Variants in EDIL3 observed in about 807,000 individuals in gnomAD.
EDIL3 encodes the protein EGF-like repeat and discoidin I-like domain-containing protein 3.
EDIL3 carries 37 observed loss-of-function variants against 67.4 expected under a neutral mutation model. That is an observed-to-expected ratio of 0.55 (90% CI 0.42 to 0.72). The LOEUF (loss-of-function observed/expected upper bound fraction) is 0.72, where lower values mean the gene tolerates loss of function less well. Among genes scored for constraint, EDIL3 ranks in the 30% least tolerant of loss-of-function variants. The pLI is 0.00. For missense variants in EDIL3, 527 were observed against 586.3 expected, an observed-to-expected ratio of 0.90 and a Z score of 1.04; for synonymous variants, 195 against 196.3, an observed-to-expected ratio of 0.99 and a Z score of 0.05.
intron 1 of EDIL3, among the ~76,000 whole-genome samples, chr5:84,377,358 G>A (rs911886105): frequency 6.7e-6 from 1 of 150,356 alleles, no homozygotes; most frequent in Non-Finnish European, 1.5e-5. Flanking sequence ...ACAGACCTAA[G>A]GCTCAGGCCT....
intron 1 of EDIL3, among the ~76,000 whole-genome samples, chr5:84,312,351 C>A (rs868152631): frequency 7.0e-6 from 1 of 142,624 alleles, no homozygotes; most frequent in Non-Finnish European, 1.5e-5. Context: ...CCCCACCTCC[C>A]TCCCGGACGG....
chr5:83,998,820 G>A (rs992090791), intron 9 of EDIL3, among the ~76,000 whole-genome samples: 7 of 152,136 alleles, frequency 4.6e-5, no homozygotes, highest in African/African-American at 1.2e-4. Context: ...ACAGGCCTTC[G>A]GCAAGACCTG....
chr5:84,091,619 T>C lies in EDIL3; in HGVS notation c.651+15030A>G, dbSNP rs371015160. Among the ~76,000 whole-genome samples the C allele has an allele frequency of 3.9e-4, 60 of 152,322 alleles. No individual in the cohort carries two copies. In the South Asian group the frequency reaches 0.011, roughly 28 times the overall value. On this transcript the variant is annotated intron_variant, in intron 6 of 10. Coordinates refer to ENST00000296591, the MANE Select transcript of EDIL3 (RefSeq NM_005711.5). Reference sequence around the variant, plus strand: ...TGGGGCAGAACAAATTTGCACAGTGTCTGCTGTGGACATAAGGGATTTCTT... The same window carrying C: ...TGGGGCAGAACAAATTTGCACAGTGCCTGCTGTGGACATAAGGGATTTCTT...
At chr5:84,329,991 A>G (rs1746838334) in intron 1 of EDIL3, among the ~76,000 whole-genome samples, 3 of 152,254 alleles carry the variant, frequency 2.0e-5, no homozygotes, top group East Asian at 1.9e-4. Context: ...AATTACCATC[A>G]CATTGATTTC....
chr5:84,255,062 A>G (rs1454970319), intron 1 of EDIL3, among the ~76,000 whole-genome samples: 2 of 152,182 alleles, frequency 1.3e-5, no homozygotes, highest in African/African-American at 4.8e-5. Context: ...TTAAAGCATC[A>G]GTTGGCTCTT....
chr5:84,035,028 A>G (rs922029229), intron 9 of EDIL3, among the ~76,000 whole-genome samples: 1 of 152,142 alleles, frequency 6.6e-6, no homozygotes, highest in Non-Finnish European at 1.5e-5. Context: ...CTGTAAGACC[A>G]TACTGATGTT....
intron 9 of EDIL3, among the ~76,000 whole-genome samples, chr5:83,980,239 GT>G (rs202105530): frequency 5.5e-5 from 8 of 146,774 alleles, no homozygotes; most frequent in Admixed American, 2.1e-4. Flanking sequence ...TGAGGTGTGT[GT>G]TTTTTTTTTG....
intron 6 of EDIL3, among the ~76,000 whole-genome samples, chr5:84,102,729 C>T (rs1278236688): frequency 6.6e-6 from 1 of 151,806 alleles, no homozygotes; most frequent in South Asian, 2.1e-4. Flanking sequence ...TCAGAGATAA[C>T]ACAAACAAAT....
At chr5:84,095,530 T>TG (rs1747246374) in intron 6 of EDIL3, among the ~76,000 whole-genome samples, 1 of 152,092 alleles carries the variant, frequency 6.6e-6, no homozygotes, top group African/African-American at 2.4e-5. Flanking sequence ...TTAAAGTGAG[T>TG]GGCAGCATTT....
chr5:84,215,919 TG>T (rs1242832683), intron 3 of EDIL3, among the ~76,000 whole-genome samples: 1 of 152,206 alleles, frequency 6.6e-6, no homozygotes, highest in African/African-American at 2.4e-5. Context: ...TAGGGCCAGA[TG>T]AGAGGTACTA....
chr5:83,965,164 T>C (rs1406906478), intron 9 of EDIL3, among the ~76,000 whole-genome samples: 1 of 152,116 alleles, frequency 6.6e-6, no homozygotes. Flanking sequence ...ATTGATCATT[T>C]ATATTTTCTC....
At chr5:84,037,997 T>TG (rs1467859182) in intron 9 of EDIL3, among the ~76,000 whole-genome samples, 76 of 93,508 alleles carry the variant, frequency 8.1e-4, no homozygotes, top group African/African-American at 2.8e-3. Flanking sequence ...TGTTTTTTTT[T>TG]TTTTTTTTTT....
intron 3 of EDIL3, among the ~76,000 whole-genome samples, chr5:84,209,270 A>T (rs1377790050): frequency 6.6e-6 from 1 of 152,042 alleles, no homozygotes; most frequent in African/African-American, 2.4e-5. Context: ...GATACACCTA[A>T]TGCTAAATGA....
intron 9 of EDIL3, among the ~76,000 whole-genome samples, chr5:83,968,437 A>G (rs1744734425): frequency 6.6e-6 from 1 of 152,128 alleles, no homozygotes; most frequent in Non-Finnish European, 1.5e-5. Context: ...TAAAAATACA[A>G]TAACTAAAAC....
At chr5:83,976,666 G>C (rs1254931303) in intron 9 of EDIL3, among the ~76,000 whole-genome samples, 1 of 151,408 alleles carries the variant, frequency 6.6e-6, no homozygotes, top group Non-Finnish European at 1.5e-5. Flanking sequence ...CCCGAGAACT[G>C]TGACATCGAC....
At chr5:84,098,528 T>C (rs975812275) in intron 6 of EDIL3, among the ~76,000 whole-genome samples, 1 of 128,712 alleles carries the variant, frequency 7.8e-6, no homozygotes, top group African/African-American at 3.0e-5. Flanking sequence ...AAATATGTTA[T>C]TAAAGAATGC....
chr5:84,361,013 A>T (rs1450684607), intron 1 of EDIL3, among the ~76,000 whole-genome samples: 1 of 152,120 alleles, frequency 6.6e-6, no homozygotes, highest in Non-Finnish European at 1.5e-5. Context: ...TGTGCTAAAA[A>T]GATGCTAGCA....
intron 2 of EDIL3, among the ~76,000 whole-genome samples, chr5:84,249,462 T>A (rs908592053): frequency 3.3e-5 from 5 of 150,626 alleles, no homozygotes; most frequent in African/African-American, 1.2e-4. Flanking sequence ...TCTATCTCCA[T>A]CTTTCTGTCT....
intron 9 of EDIL3, among the ~76,000 whole-genome samples, chr5:84,001,053 T>C (rs1423326328): frequency 6.6e-6 from 1 of 151,996 alleles, no homozygotes. Flanking sequence ...ATTTTTATTT[T>C]TATTTATTTA....
Sources: allele counts gnomAD v4.1 joint callset (sites outside exome capture counted in the v4.1 genomes callset), GRCh38; gene constraint gnomAD v4.1.1; transcripts MANE v1.5; gene names NCBI Gene and HGNC (gene_info 2026-07-23, HGNC 2026-07-21).